SPATA21: variants seen among roughly 807,000 people sequenced by gnomAD.
SPATA21 encodes spermatogenesis-associated protein 21.
In SPATA21, 47 loss-of-function variants were observed where a neutral mutation model predicts 54.8. The observed-to-expected ratio is 0.86, with a 90% CI of 0.68 to 1.09. The LOEUF (loss-of-function observed/expected upper bound fraction) is 1.09. Among genes scored for constraint, SPATA21 ranks in the 50% least tolerant of loss-of-function variants. The pLI is 0.00. For synonymous variants in SPATA21, 245 were observed against 235.3 expected, an observed-to-expected ratio of 1.04 and a Z score of -0.38; for missense variants, 599 against 596.4, an observed-to-expected ratio of 1.00 and a Z score of -0.05.
intron 7 of SPATA21, among the ~76,000 whole-genome samples, chr1:16,408,163 T>A (rs1173190937): frequency 6.6e-6 from 1 of 152,116 alleles, no homozygotes; most frequent in Non-Finnish European, 1.5e-5. Context: ...AAGGGGCCGC[T>A]GTGGCCAAGA....
In SPATA21 at chr1:16,409,722, C is replaced by A; in HGVS notation, c.466G>T (p.Ala156Ser). 1 of 1,612,126 alleles carries A rather than the reference C, an allele frequency of 6.2e-7. No individual in the cohort carries two copies. ...APGPEPAPMG[A>S]PVPTSMPCPV... The stretch of plus-strand genomic sequence containing the variant: ...CAAGGCATGGAGGTGGGGACCGGGG[C>A]TCCCATGGGGGCAGGTTCTGGCCCA... Residue 156 changes from alanine (A) to serine (S), a missense_variant, in exon 6 of 13, where the codon GCC becomes TCC. Transcript: ENST00000335496. This position sits in a 1 kb window ranked among gnomAD's most constrained non-coding sequence, Gnocchi z 4.1.
rs1023648325 is a variant in SPATA21, at chr1:16,428,426, T to C, written c.34+2912A>G. ...ATTTTTTGAGAGAGAGTTTCCCTCC[T>C]TTGCCCAGGCTGGAGTGCAGTGGCA... On this transcript the variant is annotated intron_variant, in intron 3 of 12. Transcript: ENST00000335496. This position sits in a 1 kb window ranked among gnomAD's most constrained non-coding sequence, Gnocchi z 4.3. 4.6e-5 allele frequency among the ~76,000 whole-genome samples: 7 copies of C among 152,144 alleles called. No individual in the cohort carries two copies. Among genetic ancestry groups the C allele is most frequent in the Non-Finnish European group, 1.0e-4 (7 of 68,032 alleles).
rs746136332 is a variant in SPATA21 at position 16,409,604 on chromosome 1, G to C, written c.584C>G (p.Ala195Gly). The C allele has an allele frequency of 6.2e-7, 1 of 1,610,392 alleles. No individual in the cohort carries two copies. Among genetic ancestry groups the C allele is most frequent in the Non-Finnish European group, 8.5e-7 (1 of 1,179,440 alleles). ...SSERTLSYAK[A>G]RQEPEEQSLQ... ...GGTGAGCAGCGGGGGCTCCTACCGCGCCTTGGCGTAGCTCAGGGTTCTCTC... is the reference window on the plus strand; with the variant it reads ...GGTGAGCAGCGGGGGCTCCTACCGCCCCTTGGCGTAGCTCAGGGTTCTCTC... Residue 195 changes from alanine (A) to glycine (G), a missense_variant, in exon 6 of 13, where the codon GCG (alanine) becomes GGG (glycine). Ala to Gly is a moderately conservative substitution (Grantham distance 60). Transcript: ENST00000335496. This position sits in a 1 kb window ranked among gnomAD's most constrained non-coding sequence, Gnocchi z 4.1.
Position 16,421,919 on chromosome 1 carries a change from T to C in SPATA21, c.87A>G (p.Ala29=), listed in dbSNP as rs763984127. The change falls in exon 4 of 13, where the codon GCA becomes GCG. Residue 29 remains alanine (A), a synonymous_variant. Coordinates refer to ENST00000335496, the MANE Select transcript of SPATA21 (RefSeq NM_198546.1). This position sits in a 1 kb window ranked among gnomAD's most constrained non-coding sequence, Gnocchi z 5.2. The part of the protein sequence containing the change: ...FLPSTPGPKK[A]KGGGEAVETH... ...ACTGGATGATGACTTACCCTCCTTT[T>C]GCTTTTTTAGGTCCAGGCGTGGATG... is the stretch of plus-strand genomic sequence containing the variant. 5.6e-6 allele frequency: 9 copies of C among 1,614,180 alleles called. No individual in the cohort carries two copies. The highest frequency in any genetic ancestry group is 7.6e-6 in the Non-Finnish European group (9 of 1,180,014).
chr1:16,409,772 G>A lies in SPATA21; in HGVS notation c.416C>T (p.Pro139Leu), dbSNP rs772049226. ...QTPASVPASG[P>L]SWARLPAPGP... ...AGGAGCTGGCAGCCGGGCCCACGAT[G>A]GGCCGCTGGCAGGGACCGAGGCAGG... The change falls in exon 6 of 13, where the codon CCA becomes CTA. Residue 139 changes from proline (P) to leucine (L), a missense_variant. Pro to Leu is a moderately conservative substitution (Grantham distance 98). Coordinates refer to ENST00000335496, the MANE Select transcript of SPATA21 (RefSeq NM_198546.1). The surrounding 1 kb of genome is among the most constrained non-coding windows in gnomAD (Gnocchi z 4.1). The A allele has an allele frequency of 5.6e-6, 9 of 1,605,608 alleles. No individual in the cohort carries two copies. Among genetic ancestry groups the A allele is most frequent in the Non-Finnish European group, 7.7e-6 (9 of 1,176,456 alleles).
intron 5 of SPATA21, among the ~76,000 whole-genome samples, chr1:16,414,828 G>A (rs747670792): frequency 1.4e-5 from 2 of 147,598 alleles, no homozygotes; most frequent in Non-Finnish European, 3.0e-5. Context: ...GGGAGGTGGA[G>A]GTTGAGGTGA....
chr1:16,405,512 AAAAC>A (rs1173500280), intron 7 of SPATA21, among the ~76,000 whole-genome samples: 6 of 129,536 alleles, frequency 4.6e-5, no homozygotes, highest in African/African-American at 1.3e-4. Context: ...AAAAAAAAAA[AAAAC>A]TGGGCATGGT....
At chr1:16,425,652 G>A (rs2086299337) in intron 3 of SPATA21, 1 of 1,550,248 alleles carries the variant, frequency 6.5e-7, no homozygotes, top group Non-Finnish European at 8.7e-7. Flanking sequence ...CAGGAAGGCA[G>A]CAACCCCAGC....
intron 8 of SPATA21, 39 bp downstream of exon 8, chr1:16,404,928 C>T: frequency 6.6e-7 from 1 of 1,521,458 alleles, no homozygotes. Flanking sequence ...GTGAAGCAGG[C>T]CCTGCCTGGG....
intron 5 of SPATA21, chr1:16,410,980 C>T (rs2085826293): frequency 5.2e-6 from 1 of 192,232 alleles, no homozygotes; most frequent in Middle Eastern, 4.9e-4. Context: ...TGTACACCCA[C>T]TTCTCATTCA....
At position 16,400,773 on chromosome 1, in the gene SPATA21, A is replaced by G; in HGVS notation, c.1121T>C (p.Val374Ala). Residue 374 changes from valine (V) to alanine (A), a missense_variant, in exon 11 of 13, where the codon GTT (valine) becomes GCT (alanine). Coordinates refer to ENST00000335496, the MANE Select transcript of SPATA21 (RefSeq NM_198546.1). ...GATACTGAGGACCTTTCGTTCTGGA[A>G]CTTCTGAGCTCTCTTCTTGCTGGGG... ...YNPQQEESSE[V>A]PERKVLSILS... 1 of 1,614,050 alleles carries G rather than the reference A, an allele frequency of 6.2e-7. No individual in the cohort carries two copies. Among genetic ancestry groups the G allele is most frequent in the Non-Finnish European group, 8.5e-7 (1 of 1,179,988 alleles).
chr1:16,400,765 G>A lies in SPATA21; in HGVS notation c.1129C>T (p.Arg377Ter), dbSNP rs370935881. The change falls in exon 11 of 13, where the codon CGA becomes TGA. Residue 377 changes from arginine to a stop codon, truncating the protein, a stop_gained. Coordinates refer to ENST00000335496, the MANE Select transcript of SPATA21 (RefSeq NM_198546.1). LOFTEE classifies it high-confidence loss of function. ...CGGCTCAGGATACTGAGGACCTTTC[G>A]TTCTGGAACTTCTGAGCTCTCTTCT... is the stretch of plus-strand genomic sequence containing the variant. ...QQEESSEVPE[R>*]KVLSILSRLK... is the part of the protein sequence containing the mutation. 3.0e-5 allele frequency: 48 copies of A among 1,614,148 alleles called. No homozygotes were observed. The highest frequency in any genetic ancestry group is 1.1e-4 in the East Asian group (5 of 44,876).
intron 3 of SPATA21, among the ~76,000 whole-genome samples, chr1:16,423,813 G>A (rs1434817630): frequency 1.3e-5 from 2 of 151,856 alleles, no homozygotes; most frequent in African/African-American, 4.8e-5. Flanking sequence ...CAGAGTGCTG[G>A]GATTACAGGC....
chr1:16,430,391 C>T lies in SPATA21; in HGVS notation c.34+947G>A, dbSNP rs144859289. 3.5e-4 allele frequency among the ~76,000 whole-genome samples: 53 copies of T among 152,266 alleles called. No individual in the cohort carries two copies. In the East Asian group the frequency reaches 8.7e-3, roughly 25 times the overall value. Reference sequence around the variant, plus strand: ...GAGGCTGCAGTGAGTCGTGATCGCACCACTGCACTCCAGTCTGGGTGAGAG... The same window carrying T: ...GAGGCTGCAGTGAGTCGTGATCGCATCACTGCACTCCAGTCTGGGTGAGAG... On this transcript the variant is annotated intron_variant, in intron 3 of 12. Coordinates refer to ENST00000335496, the MANE Select transcript of SPATA21 (RefSeq NM_198546.1).
chr1:16,402,466 T>C (rs1002207940), intron 10 of SPATA21, among the ~76,000 whole-genome samples: 60 of 151,760 alleles, frequency 4.0e-4, no homozygotes, highest in Non-Finnish European at 2.9e-4. Context: ...TTTCACCATG[T>C]TAGCCAGGAT....
intron 1 of SPATA21, among the ~76,000 whole-genome samples, chr1:16,436,787 C>CAA (rs111423769): frequency 0.016 from 2,322 of 145,326 alleles, 67 homozygotes; most frequent in African/African-American, 0.055. Context: ...CTAATGTAAA[C>CAA]AAAAAAAAAA....
In SPATA21 at chr1:16,425,853, C is replaced by T. The variant is rs1331952039; in HGVS notation, c.35-3882G>A. ...CGCCTGGAAGGACCAATGAAGGACT[C>T]ACAGGAATTCCCCAAATCATAGACA... On this transcript the variant is annotated intron_variant, in intron 3 of 12. Transcript: ENST00000335496. 22 of 787,452 alleles carry T rather than the reference C, an allele frequency of 2.8e-5. No individual in the cohort carries two copies. In the Admixed American group the frequency reaches 6.5e-4, roughly 23 times the overall value. 48.8% of individuals were successfully genotyped at this position (787,452 alleles called of 1,614,324 possible).
Position 16,409,307 on chromosome 1 carries a change from G to A in SPATA21, c.588-104C>T. 8.1e-7 allele frequency: 1 copy of A among 1,227,860 alleles called. No homozygotes were observed. Among genetic ancestry groups the A allele is most frequent in the Non-Finnish European group, 1.2e-6 (1 of 854,596 alleles). The allele number at this position is 1,227,860 out of a possible 1,614,324, so 76.1% of individuals were successfully genotyped here. On this transcript the variant is annotated intron_variant, in intron 6 of 12. Transcript: ENST00000335496. This position sits in a 1 kb window ranked among gnomAD's most constrained non-coding sequence, Gnocchi z 4.1. Reference sequence around the variant, plus strand: ...CCTGCAGGAGGAGGTCGTGGGGGAGGCTTTGGGGAGCCCGGAGAGATCAAG... The same window carrying A: ...CCTGCAGGAGGAGGTCGTGGGGGAGACTTTGGGGAGCCCGGAGAGATCAAG...
intron 7 of SPATA21, among the ~76,000 whole-genome samples, chr1:16,408,916 A>G (rs1335175056): frequency 1.4e-5 from 2 of 138,518 alleles, no homozygotes; most frequent in East Asian, 4.2e-4. Flanking sequence ...TGGCCCCCCC[A>G]ACCCAGCAGC....
Sources: gnomAD v4.1 joint callset for allele counts (sites outside exome capture counted in the v4.1 genomes callset) on GRCh38, gnomAD v4.1.1 for gene constraint, Gnocchi (gnomAD v3.1) non-coding constraint, MANE v1.5 for transcripts, NCBI Gene and HGNC (gene_info 2026-07-23, HGNC 2026-07-21) for gene names.